PHF20: variants seen among roughly 807,000 people sequenced by gnomAD.
PHF20 encodes the protein PHD finger protein 20.
In PHF20, 23 loss-of-function variants were observed where a neutral mutation model predicts 113.5. The ratio of observed to expected loss-of-function variants is 0.20; its 90% CI spans 0.15 to 0.29. PHF20 has a LOEUF of 0.29. Among genes scored for constraint, PHF20 ranks in the 10% least tolerant of loss-of-function variants. The pLI is 1.00. For synonymous variants in PHF20, 434 were observed against 457.3 expected (o/e 0.95, Z 0.65); for missense variants, 943 against 1,219.6 (o/e 0.77, Z 3.38).
chr20:35,782,347 A>T (rs1246840025), intron 1 of PHF20: 2 of 148,408 alleles, frequency 1.3e-5, no homozygotes, highest in South Asian at 2.1e-4. Context: ...CAGTGACATC[A>T]TCTCAGAGCT....
intron 10 of PHF20, among the ~76,000 whole-genome samples, chr20:35,905,889 C>G (rs916644144): frequency 6.6e-6 from 1 of 152,178 alleles, no homozygotes. Context: ...CTCAGCCAAG[C>G]CTTTAGTTGC....
intron 9 of PHF20, among the ~76,000 whole-genome samples, chr20:35,890,922 C>G (rs566810855): frequency 1.3e-5 from 2 of 152,170 alleles, no homozygotes; most frequent in Admixed American, 6.5e-5. Flanking sequence ...CAAAACTAAA[C>G]AAAACTGGGT....
chr20:35,901,843 T>G (rs2055103810), intron 10 of PHF20, among the ~76,000 whole-genome samples: 1 of 152,236 alleles, frequency 6.6e-6, no homozygotes, highest in Admixed American at 6.5e-5. Context: ...GGGTTGTGAA[T>G]CCCATCTGTT....
intron 2 of PHF20, among the ~76,000 whole-genome samples, chr20:35,820,906 G>A (rs933791057): frequency 6.6e-6 from 1 of 152,026 alleles, no homozygotes; most frequent in Non-Finnish European, 1.5e-5. Context: ...AGAGGAGAGA[G>A]GGTTGCAGAC....
In PHF20 at chr20:35,926,348, C is replaced by G. The variant is rs1376746061; in HGVS notation, c.2005-1432C>G. ...CGCCTCCCAGGTTCACGCCATTCTCCTGCCTCAGCCTCCCGAGTAGCTGGG... is the reference window on the plus strand; with the variant it reads ...CGCCTCCCAGGTTCACGCCATTCTCGTGCCTCAGCCTCCCGAGTAGCTGGG... On this transcript the variant is annotated intron_variant, in intron 13 of 17. Transcript: ENST00000374012. Among the ~76,000 whole-genome samples, 2 of 146,094 alleles carry G rather than the reference C, an allele frequency of 1.4e-5. 1 individual carries two copies. Among genetic ancestry groups the G allele is most frequent in the East Asian group, 4.3e-4 (2 of 4,676 alleles).
At chr20:35,776,444 C>T (rs573289218) in intron 1 of PHF20, among the ~76,000 whole-genome samples, 9 of 152,312 alleles carry the variant, frequency 5.9e-5, no homozygotes, top group South Asian at 4.1e-4. Context: ...GGTGATCATG[C>T]TTTATGATGA....
intron 1 of PHF20, among the ~76,000 whole-genome samples, chr20:35,791,186 T>G (rs754173231): frequency 6.6e-6 from 1 of 152,094 alleles, no homozygotes; most frequent in Non-Finnish European, 1.5e-5. Context: ...AGTCTTATGA[T>G]CATACTTACA....
At chr20:35,822,252 C>CA (rs2042181728) in intron 2 of PHF20, among the ~76,000 whole-genome samples, 1 of 151,862 alleles carries the variant, frequency 6.6e-6, no homozygotes, top group Non-Finnish European at 1.5e-5. Context: ...CATATATACA[C>CA]AAAAACCCCA....
chr20:35,844,968 C>T (rs1290754652), intron 3 of PHF20, among the ~76,000 whole-genome samples: 1 of 152,052 alleles, frequency 6.6e-6, no homozygotes, highest in Non-Finnish European at 1.5e-5. Context: ...CCATATGATA[C>T]ACAATATTTT....
intron 9 of PHF20, among the ~76,000 whole-genome samples, chr20:35,897,851 G>A (rs1040885981): frequency 5.3e-5 from 8 of 150,744 alleles, no homozygotes; most frequent in Non-Finnish European, 8.9e-5. Context: ...ACAGGTGTGA[G>A]CCACCACGCC....
rs1190608915 is a variant in PHF20, at chr20:35,950,292, T to G, written c.*2665T>G. 1.3e-5 allele frequency: 2 copies of G among 152,678 alleles called. No homozygotes were observed. The highest frequency in any genetic ancestry group is 4.8e-5 in the African/African-American group (2 of 41,466). The allele number at this position is 152,678 out of a possible 1,614,324, so 9.5% of individuals were successfully genotyped here. A position where few individuals can be genotyped will look rare whatever the true frequency, so the allele number is the denominator to read the frequency against. Reference sequence around the variant, plus strand: ...ACAGAAGGCGCTGTATATAGAAATGTTGCTTTGAAGCAATATTTGCAAAAC... The same window carrying G: ...ACAGAAGGCGCTGTATATAGAAATGGTGCTTTGAAGCAATATTTGCAAAAC... On this transcript the variant is annotated 3_prime_UTR_variant, in exon 18 of 18. Coordinates refer to ENST00000374012, the MANE Select transcript of PHF20 (RefSeq NM_016436.5).
intron 4 of PHF20, among the ~76,000 whole-genome samples, chr20:35,853,640 C>A (rs541591055): frequency 5.9e-5 from 9 of 152,130 alleles, no homozygotes; most frequent in Admixed American, 4.6e-4. Context: ...TGCCTGTAGT[C>A]CCAGCCACTT....
chr20:35,896,608 C>G (rs1458641005), intron 9 of PHF20, among the ~76,000 whole-genome samples: 2 of 150,720 alleles, frequency 1.3e-5, no homozygotes, highest in Admixed American at 1.3e-4. Context: ...GTCAGGAGTT[C>G]GAGACCAGGC....
chr20:35,913,758 A>C (rs1347648753), intron 11 of PHF20, among the ~76,000 whole-genome samples: 1 of 152,186 alleles, frequency 6.6e-6, no homozygotes, highest in African/African-American at 2.4e-5. Flanking sequence ...AGAAAAATCT[A>C]TATATTCTGA....
In PHF20 at chr20:35,938,964, G is replaced by A. The variant is rs755502618; in HGVS notation, c.2568G>A (p.Val856=). 12 of 1,614,074 alleles carry A rather than the reference G, an allele frequency of 7.4e-6. No individual in the cohort carries two copies. Among genetic ancestry groups the A allele is most frequent in the Admixed American group, 1.7e-5 (1 of 60,002 alleles). ...ACCCTGCCGTGGAGCAGAAGCTGGT[G>A]GTGGAGACGAGGGGCTCTGCCCTCG... The part of the protein sequence containing the change: ...AYYPAVEQKL[V]VETRGSALDD... Residue 856 remains valine (V), a synonymous_variant, in exon 16 of 18, where the codon GTG becomes GTA. Coordinates refer to ENST00000374012, the MANE Select transcript of PHF20 (RefSeq NM_016436.5).
chr20:35,918,789 C>T (rs1210573640), intron 13 of PHF20, among the ~76,000 whole-genome samples: 2 of 152,094 alleles, frequency 1.3e-5, no homozygotes, highest in Non-Finnish European at 2.9e-5. Context: ...TACAGATTAT[C>T]GACAGGGGCA....
At chr20:35,936,940 C>T (rs1402760856) in intron 15 of PHF20, among the ~76,000 whole-genome samples, 2 of 152,152 alleles carry the variant, frequency 1.3e-5, no homozygotes, top group Admixed American at 6.6e-5. Flanking sequence ...GAGACACCCT[C>T]AGGAAGTCCT....
intron 8 of PHF20, 44 bp downstream of exon 8, chr20:35,871,178 AT>A: frequency 6.9e-7 from 1 of 1,447,118 alleles, no homozygotes; most frequent in Non-Finnish European, 9.5e-7. Flanking sequence ...CCTGGTTCCT[AT>A]TTAGTGAGAA....
chr20:35,917,788 T>C, intron 13 of PHF20, 126 bp downstream of exon 13: 1 of 770,738 alleles, frequency 1.3e-6, no homozygotes. Context: ...GGCAGCAGAC[T>C]GAGCTTCTCT....
Sources: gnomAD v4.1 joint callset for allele counts (sites outside exome capture counted in the v4.1 genomes callset) on GRCh38, gnomAD v4.1.1 for gene constraint, MANE v1.5 for transcripts, NCBI Gene and HGNC (gene_info 2026-07-23, HGNC 2026-07-21) for gene names.